The following MBD5 variants were observed in gnomAD, a reference collection of about 807,000 sequenced individuals.
MBD5 encodes the protein methyl-CpG-binding domain protein 5.
Under a neutral mutation model 117.3 loss-of-function variants are expected in MBD5, and 13 were observed. That is an observed-to-expected ratio of 0.11 (90% CI 0.07 to 0.18). MBD5 has a LOEUF of 0.18. MBD5 is among the 10% of genes least tolerant of loss of function. The pLI is 1.00. For synonymous variants in MBD5, 727 were observed against 766.4 expected (o/e 0.95, Z 0.85); for missense variants, 1,879 against 2,093.8 (o/e 0.90, Z 2.00).
intron 1 of MBD5, among the ~76,000 whole-genome samples, chr2:148,076,138 T>G (rs976381434): frequency 3.9e-5 from 6 of 152,076 alleles, no homozygotes; most frequent in African/African-American, 1.4e-4. Flanking sequence ...TTTTTCCTAC[T>G]TTACCAATAG....
At chr2:148,420,661 C>T (rs1705572693) in intron 4 of MBD5, among the ~76,000 whole-genome samples, 1 of 152,086 alleles carries the variant, frequency 6.6e-6, no homozygotes, top group Admixed American at 6.5e-5. Flanking sequence ...AAGCCAGGTC[C>T]AGCTCTACCC....
chr2:148,149,825 A>T (rs1342305652), intron 1 of MBD5, among the ~76,000 whole-genome samples: 1 of 151,488 alleles, frequency 6.6e-6, no homozygotes, highest in South Asian at 2.1e-4. Flanking sequence ...AGTTCATTGT[A>T]GATCCTGGAT....
chr2:148,211,940 G>A (rs1014187562), intron 2 of MBD5, among the ~76,000 whole-genome samples: 5 of 151,898 alleles, frequency 3.3e-5, no homozygotes, highest in Non-Finnish European at 5.9e-5. Context: ...GTAGAGACAG[G>A]GTCTTACTAT....
chr2:148,129,426 G>T (rs1345953463), intron 1 of MBD5, among the ~76,000 whole-genome samples: 13 of 152,104 alleles, frequency 8.5e-5, no homozygotes, highest in Admixed American at 8.5e-4. Flanking sequence ...AACCAGGGAG[G>T]CGGAGGTTGC....
At chr2:148,322,383 AT>A (rs1702305098) in intron 3 of MBD5, among the ~76,000 whole-genome samples, 1 of 152,100 alleles carries the variant, frequency 6.6e-6, no homozygotes, top group Admixed American at 6.5e-5. Flanking sequence ...TCATTTTTCT[AT>A]TTCCTATTGT....
chr2:148,096,784 G>A (rs746092108), intron 1 of MBD5, among the ~76,000 whole-genome samples: 12 of 151,952 alleles, frequency 7.9e-5, no homozygotes, highest in Non-Finnish European at 1.8e-4. Flanking sequence ...CCTTTGTTTT[G>A]AAATTGATAG....
intron 3 of MBD5, among the ~76,000 whole-genome samples, chr2:148,283,999 C>A (rs1371999917): frequency 6.6e-6 from 1 of 152,170 alleles, no homozygotes; most frequent in African/African-American, 2.4e-5. Flanking sequence ...TTCTTTTGTA[C>A]TCTTCTGATG....
intron 3 of MBD5, among the ~76,000 whole-genome samples, chr2:148,294,515 T>G (rs866063679): frequency 3.4e-4 from 22 of 64,628 alleles, no homozygotes; most frequent in Admixed American, 8.9e-4. Context: ...TTTTTTTTTT[T>G]TTTTTTGAGA....
intron 4 of MBD5, among the ~76,000 whole-genome samples, chr2:148,444,347 G>C (rs1190473123): frequency 6.6e-6 from 1 of 151,020 alleles, no homozygotes; most frequent in Non-Finnish European, 1.5e-5. Flanking sequence ...ATCACTCTTT[G>C]ATAATACTTT....
At chr2:148,450,686 T>C (rs995590307) in intron 4 of MBD5, among the ~76,000 whole-genome samples, 7 of 152,170 alleles carry the variant, frequency 4.6e-5, no homozygotes, top group South Asian at 2.1e-4. Flanking sequence ...AACAGTATCA[T>C]ATGCATCAAA....
chr2:148,409,393 AAAAGAAAG>A (rs200926665), intron 4 of MBD5, among the ~76,000 whole-genome samples: 6 of 150,022 alleles, frequency 4.0e-5, no homozygotes, highest in South Asian at 4.2e-4. Context: ...TCTCAAAAAA[AAAAGAAAG>A]AAAGAAAGAA....
intron 4 of MBD5, among the ~76,000 whole-genome samples, chr2:148,441,478 G>A (rs1414340045): frequency 6.6e-6 from 1 of 151,984 alleles, no homozygotes; most frequent in Non-Finnish European, 1.5e-5. Context: ...GTGTATATGT[G>A]CCACATTTTC....
intron 3 of MBD5, among the ~76,000 whole-genome samples, chr2:148,261,828 G>T (rs2106302631): frequency 6.6e-6 from 1 of 152,318 alleles, no homozygotes; most frequent in African/African-American, 2.4e-5. Flanking sequence ...TTTGAATTGA[G>T]ACATGTGATT....
At chr2:148,076,473 C>T (rs1237504696) in intron 1 of MBD5, among the ~76,000 whole-genome samples, 7 of 152,084 alleles carry the variant, frequency 4.6e-5, no homozygotes, top group African/African-American at 1.4e-4. Context: ...GTGTAGCAGC[C>T]ACCATTTCAA....
At chr2:148,324,161 G>A (rs1274055734) in intron 3 of MBD5, among the ~76,000 whole-genome samples, 1 of 151,874 alleles carries the variant, frequency 6.6e-6, no homozygotes, top group East Asian at 1.9e-4. Flanking sequence ...GTAGATATGT[G>A]GCGTTATTTC....
chr2:148,109,963 C>T (rs538902033), intron 1 of MBD5, among the ~76,000 whole-genome samples: 3 of 152,138 alleles, frequency 2.0e-5, no homozygotes, highest in South Asian at 2.1e-4. Flanking sequence ...TTGGAATTAT[C>T]CCCCGATGAC....
intron 8 of MBD5, among the ~76,000 whole-genome samples, chr2:148,479,185 GA>G (rs369951342): frequency 6.6e-6 from 1 of 152,276 alleles, no homozygotes; most frequent in African/African-American, 2.4e-5. Context: ...AGTAATTTGG[GA>G]TAGACCTCTC....
chr2:148,281,777 C>G (rs549191608), intron 3 of MBD5, among the ~76,000 whole-genome samples: 15 of 152,242 alleles, frequency 9.9e-5, no homozygotes, highest in Admixed American at 2.6e-4. Context: ...TCTCCCTCCT[C>G]TGTCTTCCTG....
intron 3 of MBD5, among the ~76,000 whole-genome samples, chr2:148,234,834 G>T (rs540476048): frequency 6.6e-6 from 1 of 152,146 alleles, no homozygotes; most frequent in South Asian, 2.1e-4. Flanking sequence ...TCCTGGAATT[G>T]CATTTTAAAT....
Sources: allele counts gnomAD v4.1 joint callset (sites outside exome capture counted in the v4.1 genomes callset), GRCh38; gene constraint gnomAD v4.1.1; transcripts MANE v1.5; gene names NCBI Gene and HGNC (gene_info 2026-07-23, HGNC 2026-07-21).